The following HERC1 variants were observed in gnomAD, a reference collection of about 807,000 sequenced individuals.
HERC1 encodes the protein probable E3 ubiquitin-protein ligase HERC1.
Under a neutral mutation model 554.3 loss-of-function variants are expected in HERC1, and 160 were observed. The ratio of observed to expected loss-of-function variants is 0.29; its 90% CI spans 0.25 to 0.33. The LOEUF is 0.33. Among genes scored for constraint, HERC1 ranks in the 10% least tolerant of loss-of-function variants. The pLI, the probability that HERC1 is intolerant of heterozygous loss-of-function variation, is 1.00. For missense variants in HERC1, 4,919 were observed against 5,918.5 expected (o/e 0.83, Z 5.54); for synonymous variants, 2,175 against 2,131.7 (o/e 1.02, Z -0.56).
chr15:63,742,726 T>C (rs531302347), intron 12 of HERC1, among the ~76,000 whole-genome samples: 56 of 152,248 alleles, frequency 3.7e-4, no homozygotes, highest in Middle Eastern at 3.4e-3. Context: ...GATAATCACA[T>C]TGTTTTTGTT....
chr15:63,678,420 C>A, intron 36 of HERC1, 55 bp from the exon 37 acceptor site: 1 of 1,480,468 alleles, frequency 6.8e-7, no homozygotes, highest in South Asian at 1.4e-5. Context: ...TCTTCTTAGT[C>A]ACTATAAATT....
chr15:63,646,620 T>C (rs1595886322), intron 55 of HERC1, among the ~76,000 whole-genome samples: 1 of 148,416 alleles, frequency 6.7e-6, no homozygotes, highest in Non-Finnish European at 1.5e-5. Flanking sequence ...GCCAGCATGG[T>C]GAAACCCCGT....
chr15:63,692,961 A>T lies in HERC1; in HGVS notation c.5675-395T>A. Among the ~76,000 whole-genome samples the T allele has an allele frequency of 6.6e-6, 1 of 152,026 alleles. No individual in the cohort carries two copies. Among genetic ancestry groups the T allele is most frequent in the East Asian group, 1.9e-4 (1 of 5,164 alleles). On this transcript the variant is annotated intron_variant, in intron 30 of 77. Transcript: ENST00000443617. This position sits in a 1 kb window ranked among gnomAD's most constrained non-coding sequence, Gnocchi z 4.7. ...TTTGGGAGGTCGAGGCGGGCGGATC[A>T]CTTGAGGTCAGGAGTTCAAGATCAG...
chr15:63,804,443 G>A (rs373180491), intron 1 of HERC1, among the ~76,000 whole-genome samples: 49 of 152,040 alleles, frequency 3.2e-4, no homozygotes, highest in Non-Finnish European at 5.9e-4. Flanking sequence ...AAAATTAGCC[G>A]GGCATGGTGG....
intron 25 of HERC1, among the ~76,000 whole-genome samples, chr15:63,700,951 C>A (rs1484286062): frequency 6.6e-6 from 1 of 151,734 alleles, no homozygotes; most frequent in Non-Finnish European, 1.5e-5. Flanking sequence ...TAAAGCACCT[C>A]AAATTCAGAA....
At position 63,687,283 on chromosome 15, in the gene HERC1, T is replaced by C. The variant is rs533567364; in HGVS notation, c.6049-748A>G. On this transcript the variant is annotated intron_variant, in intron 33 of 77. Coordinates refer to ENST00000443617, the MANE Select transcript of HERC1 (RefSeq NM_003922.4). ...GGCCAGGTGTGGTGGCTCACACTTG[T>C]AATCCCAGCAATTTGAGAGACCGAA... 1.4e-4 allele frequency among the ~76,000 whole-genome samples: 21 copies of C among 152,302 alleles called. No individual in the cohort carries two copies. In the South Asian group the frequency reaches 3.3e-3, roughly 24 times the overall value.
intron 57 of HERC1, among the ~76,000 whole-genome samples, chr15:63,644,404 A>T (rs941342878): frequency 6.6e-6 from 1 of 152,220 alleles, no homozygotes; most frequent in African/African-American, 2.4e-5. Flanking sequence ...CTTAGCATCT[A>T]TAGAAAAAAT....
intron 45 of HERC1, 112 bp downstream of exon 45, chr15:63,661,641 G>T (rs1365174989): frequency 9.0e-6 from 10 of 1,113,808 alleles, no homozygotes; most frequent in Non-Finnish European, 1.2e-5. Context: ...AAGAATCACG[G>T]GATTTCAGGG....
intron 1 of HERC1, among the ~76,000 whole-genome samples, chr15:63,804,447 A>G (rs1213102765): frequency 1.3e-5 from 2 of 152,018 alleles, no homozygotes; most frequent in South Asian, 2.1e-4. Flanking sequence ...TTAGCCGGGC[A>G]TGGTGGCGGG....
chr15:63,663,356 G>GT (rs1430376133), intron 43 of HERC1, among the ~76,000 whole-genome samples, 152 bp from the exon 44 acceptor site: 1 of 152,112 alleles, frequency 6.6e-6, no homozygotes, highest in African/African-American at 2.4e-5. Flanking sequence ...TACCTATCAC[G>GT]TGTGTTTCCT....
chr15:63,636,691 G>T (rs1427469534), intron 64 of HERC1, among the ~76,000 whole-genome samples: 1 of 152,200 alleles, frequency 6.6e-6, no homozygotes, highest in Non-Finnish European at 1.5e-5. Context: ...AGTCATTAAT[G>T]ACTGGCTATG....
intron 33 of HERC1, among the ~76,000 whole-genome samples, chr15:63,689,102 G>C (rs1323875242): frequency 2.0e-5 from 3 of 152,212 alleles, no homozygotes; most frequent in Non-Finnish European, 4.4e-5. Context: ...TGCTTTCAAA[G>C]GGAATCAGGA....
chr15:63,645,240 A>C, intron 56 of HERC1, 143 bp from the exon 57 acceptor site: 1 of 716,064 alleles, frequency 1.4e-6, no homozygotes. Context: ...CTTTTACAAG[A>C]AATACAACCG....
Position 63,656,298 on chromosome 15 carries a change from C to T in HERC1, c.9660G>A (p.Thr3220=), listed in dbSNP as rs1405470955. The change falls in exon 49 of 78, where the codon ACG becomes ACA. Residue 3220 remains threonine, a synonymous_variant. Coordinates refer to ENST00000443617, the MANE Select transcript of HERC1 (RefSeq NM_003922.4). ...CTGCCAAGCACATTAATCGAACTAGCGTTCGGATATCTGTTAGCCCCAGAG... is the reference window on the plus strand; with the variant it reads ...CTGCCAAGCACATTAATCGAACTAGTGTTCGGATATCTGTTAGCCCCAGAG... ...LESLGLTDIR[T]LVRLMCLAAA... is the part of the protein sequence containing the mutation. 2 of 1,613,822 alleles carry T rather than the reference C, an allele frequency of 1.2e-6. No individual in the cohort carries two copies. Among genetic ancestry groups the T allele is most frequent in the South Asian group, 1.1e-5 (1 of 91,084 alleles).
In HERC1 at chr15:63,636,073, C is replaced by T. The variant is rs780457593; in HGVS notation, c.12302G>A (p.Gly4101Asp). ...DGHSMALTES[G>D]EVFSWGDGDY... ...ACCATCTCCCCAGCTAAAGACCTCA[C>T]CACTTTCAGTTAGGGCCATAGAGTG... Residue 4101 changes from glycine (G) to aspartate (D), a missense_variant, in exon 65 of 78, where the codon GGT becomes GAT. Physicochemically the swap from Gly to Asp is moderately conservative, Grantham distance 94. This residue lies in a region of HERC1 where 122 missense variants were observed against 195.2 expected (regional missense o/e 0.63). Coordinates refer to ENST00000443617, the MANE Select transcript of HERC1 (RefSeq NM_003922.4). 21 of 1,613,700 alleles carry T rather than the reference C, an allele frequency of 1.3e-5. No homozygotes were observed. The highest frequency in any genetic ancestry group is 1.5e-5 in the Non-Finnish European group (18 of 1,179,876).
chr15:63,753,063 G>A lies in HERC1; in HGVS notation c.1797C>T (p.Thr599=). ...GDNGKLGHGD[T]NRVYKPKVIE... ...TAACTTTAGGTTTATACACTCTGTT[G>A]GTATCACCATGACCAAGTTTACCTA... Residue 599 remains threonine, a synonymous_variant, in exon 8 of 78, where the codon ACC becomes ACT. Transcript: ENST00000443617. The A allele has an allele frequency of 6.2e-7, 1 of 1,604,718 alleles. No homozygotes were observed. Among genetic ancestry groups the A allele is most frequent in the Non-Finnish European group, 8.5e-7 (1 of 1,175,624 alleles).
At chr15:63,768,416 T>C (rs2075849452) in intron 2 of HERC1, among the ~76,000 whole-genome samples, 1 of 152,224 alleles carries the variant, frequency 6.6e-6, no homozygotes, top group African/African-American at 2.4e-5. Flanking sequence ...GACTCAGGTA[T>C]GGAATCATAT....
intron 25 of HERC1, among the ~76,000 whole-genome samples, chr15:63,700,573 T>C (rs2072661049): frequency 6.6e-6 from 1 of 152,060 alleles, no homozygotes; most frequent in Non-Finnish European, 1.5e-5. Flanking sequence ...ATATGTATCC[T>C]AGTAAAATAA....
intron 27 of HERC1, among the ~76,000 whole-genome samples, chr15:63,695,814 C>T (rs1342968337): frequency 7.2e-5 from 11 of 152,172 alleles, no homozygotes; most frequent in Non-Finnish European, 1.3e-4. Flanking sequence ...AAATCTAAAA[C>T]GTAAGCTCTT....
Sources: allele counts gnomAD v4.1 joint callset (sites outside exome capture counted in the v4.1 genomes callset), GRCh38; gene constraint gnomAD v4.1.1; regional missense constraint gnomAD v4.1.1; non-coding constraint Gnocchi (gnomAD v3.1); transcripts MANE v1.5; gene names NCBI Gene and HGNC (gene_info 2026-07-23, HGNC 2026-07-21).